The following RASEF variants were observed in gnomAD, a reference collection of about 807,000 sequenced individuals.
RASEF encodes ras and EF-hand domain-containing protein.
RASEF carries 68 observed loss-of-function variants against 90.1 expected under a neutral mutation model. The observed-to-expected ratio is 0.75, with a 90% CI of 0.62 to 0.92. RASEF has a LOEUF of 0.92. RASEF is among the 40% of genes least tolerant of loss of function. The pLI is 0.00. For synonymous variants in RASEF, 331 were observed against 345.2 expected, an observed-to-expected ratio of 0.96 and a Z score of 0.46; for missense variants, 949 against 937.2, an observed-to-expected ratio of 1.01 and a Z score of -0.16.
At chr9:83,199,210 G>A in the RASEF span, among the ~76,000 whole-genome samples, 1 of 135,346 alleles carries the variant, frequency 7.4e-6, no homozygotes, top group Non-Finnish European at 1.5e-5. Flanking sequence ...GGAGGCATCT[G>A]GACAGCCCTA....
At chr9:83,174,629 C>T in the RASEF span, among the ~76,000 whole-genome samples, 1 of 152,058 alleles carries the variant, frequency 6.6e-6, no homozygotes, top group Non-Finnish European at 1.5e-5. Flanking sequence ...CTATTTGGGT[C>T]CCTTAACTTT....
chr9:83,047,428 T>C (rs1829953853), intron 1 of RASEF, among the ~76,000 whole-genome samples: 1 of 152,014 alleles, frequency 6.6e-6, no homozygotes, highest in African/African-American at 2.4e-5. Context: ...TACCAGAAAA[T>C]ATGACCTCTT....
At chr9:83,061,097 C>T (rs944425263) in intron 1 of RASEF, among the ~76,000 whole-genome samples, 4 of 151,960 alleles carry the variant, frequency 2.6e-5, no homozygotes, top group African/African-American at 9.7e-5. Context: ...CTAGCTGCAC[C>T]CAAACTAAGT....
the RASEF span, among the ~76,000 whole-genome samples, chr9:83,073,002 A>G: frequency 6.6e-6 from 1 of 152,224 alleles, no homozygotes; most frequent in Non-Finnish European, 1.5e-5. Context: ...TGATATAAGT[A>G]AAATCACACA....
At chr9:83,148,727 G>C in the RASEF span, among the ~76,000 whole-genome samples, 1 of 152,202 alleles carries the variant, frequency 6.6e-6, no homozygotes. Context: ...TTTATATCGT[G>C]TTAATTTTTT....
the RASEF span, among the ~76,000 whole-genome samples, chr9:83,102,865 C>T: frequency 6.6e-6 from 1 of 152,160 alleles, no homozygotes; most frequent in Non-Finnish European, 1.5e-5. Flanking sequence ...GGGTACAAGC[C>T]TTGGATTGGT....
At chr9:83,135,110 TA>T in the RASEF span, among the ~76,000 whole-genome samples, 2 of 152,028 alleles carry the variant, frequency 1.3e-5, no homozygotes, top group Non-Finnish European at 2.9e-5. Context: ...GAGTAACTGC[TA>T]GGGGGTACAG....
At chr9:83,027,513 T>C (rs1829569746) in intron 1 of RASEF, among the ~76,000 whole-genome samples, 1 of 152,230 alleles carries the variant, frequency 6.6e-6, no homozygotes, top group Non-Finnish European at 1.5e-5. Flanking sequence ...TCCAGGAAGA[T>C]GGGACAAAGA....
chr9:83,029,304 A>T (rs999096147), intron 1 of RASEF, among the ~76,000 whole-genome samples: 1 of 152,132 alleles, frequency 6.6e-6, no homozygotes, highest in African/African-American at 2.4e-5. Flanking sequence ...AAACACTGAA[A>T]AACGTAAGGT....
intron 1 of RASEF, among the ~76,000 whole-genome samples, chr9:83,038,232 T>C (rs1458646644): frequency 6.6e-6 from 1 of 152,148 alleles, no homozygotes; most frequent in Non-Finnish European, 1.5e-5. Context: ...ACATAGAACC[T>C]GTGACAATCG....
chr9:83,196,314 G>T, the RASEF span, among the ~76,000 whole-genome samples: 1 of 151,900 alleles, frequency 6.6e-6, no homozygotes, highest in African/African-American at 2.4e-5. Context: ...CCTTTGTTGA[G>T]TGGCTCTGCA....
the RASEF span, among the ~76,000 whole-genome samples, chr9:83,210,652 G>T: frequency 6.4e-4 from 97 of 152,222 alleles, 3 homozygotes; most frequent in South Asian, 0.018. Flanking sequence ...ATCATGTATT[G>T]CTTCTTTACT....
chr9:83,129,406 CA>C, the RASEF span, among the ~76,000 whole-genome samples: 12,997 of 97,708 alleles, frequency 0.13, 530 homozygotes, highest in African/African-American at 0.19. Context: ...GACTCCACCT[CA>C]AAAAAAAAAA....
chr9:83,191,420 C>T, the RASEF span, among the ~76,000 whole-genome samples: 2 of 152,188 alleles, frequency 1.3e-5, no homozygotes, highest in African/African-American at 4.8e-5. Flanking sequence ...CATAGCTACC[C>T]CTTTATTACT....
At chr9:83,196,502 G>A in the RASEF span, among the ~76,000 whole-genome samples, 2 of 152,158 alleles carry the variant, frequency 1.3e-5, no homozygotes, top group Non-Finnish European at 2.9e-5. Flanking sequence ...AGGGCAAAAA[G>A]GTCTCGTATG....
At chr9:82,997,487 T>C (rs1164023277) in intron 13 of RASEF, among the ~76,000 whole-genome samples, 2 of 152,162 alleles carry the variant, frequency 1.3e-5, no homozygotes, top group Non-Finnish European at 2.9e-5. Flanking sequence ...TGGAAGGAGA[T>C]ACGAACTAGA....
chr9:83,041,942 C>CCAAGAAAAGT (rs1478948536), intron 1 of RASEF, among the ~76,000 whole-genome samples: 1 of 152,094 alleles, frequency 6.6e-6, no homozygotes, highest in Admixed American at 6.6e-5. Context: ...ACCTCAACCC[C>CCAAGAAAAGT]CAAGAAAAGT....
the RASEF span, among the ~76,000 whole-genome samples, chr9:83,141,281 A>G: frequency 6.6e-6 from 1 of 152,184 alleles, no homozygotes; most frequent in Non-Finnish European, 1.5e-5. Flanking sequence ...CCTCCCAGAA[A>G]GCAGAATTGG....
At chr9:83,163,589 C>T in the RASEF span, among the ~76,000 whole-genome samples, 21 of 151,976 alleles carry the variant, frequency 1.4e-4, no homozygotes. Flanking sequence ...ATGAAGAATG[C>T]CTTTGATGGG....
Sources: gnomAD v4.1 joint callset for allele counts (sites outside exome capture counted in the v4.1 genomes callset) on GRCh38, gnomAD v4.1.1 for gene constraint, MANE v1.5 for transcripts, NCBI Gene and HGNC (gene_info 2026-07-23, HGNC 2026-07-21) for gene names.